The following ATF7IP variants were observed in gnomAD, a reference collection of about 807,000 sequenced individuals.
ATF7IP encodes activating transcription factor 7 interacting protein, also known as activating transcription factor 7-interacting protein 1.
In ATF7IP, 23 loss-of-function variants were observed where a neutral mutation model predicts 106.4. The ratio of observed to expected loss-of-function variants is 0.22; its 90% CI spans 0.16 to 0.31. The LOEUF is 0.31. Among genes scored for constraint, ATF7IP ranks in the 10% least tolerant of loss-of-function variants. The pLI, the probability that ATF7IP is intolerant of heterozygous loss-of-function variation, is 1.00. For synonymous variants in ATF7IP, 542 were observed against 539.0 expected, an observed-to-expected ratio of 1.01 and a Z score of -0.08; for missense variants, 1,334 against 1,524.3, an observed-to-expected ratio of 0.88 and a Z score of 2.08.
At chr12:14,382,515 G>A (rs1455183531) in intron 1 of ATF7IP, among the ~76,000 whole-genome samples, 1 of 152,120 alleles carries the variant, frequency 6.6e-6, no homozygotes, top group Admixed American at 6.5e-5. Flanking sequence ...CCTGAAAAGT[G>A]CCCTACAAAA....
chr12:14,368,629 T>C (rs1938402541), intron 1 of ATF7IP, among the ~76,000 whole-genome samples: 2 of 152,162 alleles, frequency 1.3e-5, no homozygotes, highest in South Asian at 4.1e-4. Flanking sequence ...TTGAAAAGCA[T>C]TTTTTATCAT....
chr12:14,366,348 G>T (rs1377501048), intron 1 of ATF7IP, among the ~76,000 whole-genome samples: 1 of 152,316 alleles, frequency 6.6e-6, no homozygotes, highest in African/African-American at 2.4e-5. Context: ...TCAGCACCTA[G>T]TGGTGTTCTC....
chr12:14,473,288 C>CTGTATGTATGTG (rs796814505), intron 10 of ATF7IP, among the ~76,000 whole-genome samples: 1 of 140,350 alleles, frequency 7.1e-6, no homozygotes, highest in Non-Finnish European at 1.5e-5. Flanking sequence ...CTCTCTCTCT[C>CTGTATGTATGTG]TCTGTGTGTG....
intron 6 of ATF7IP, among the ~76,000 whole-genome samples, chr12:14,452,735 T>C (rs530194697): frequency 1.6e-4 from 25 of 152,178 alleles, no homozygotes; most frequent in Non-Finnish European, 3.1e-4. Flanking sequence ...GAATTAAAAG[T>C]GGTTTATGCA....
chr12:14,457,144 T>C, intron 7 of ATF7IP, 63 bp from the exon 8 acceptor site: 2 of 1,361,882 alleles, frequency 1.5e-6, no homozygotes, highest in Non-Finnish European at 2.1e-6. Flanking sequence ...TTATTCTAGA[T>C]ATCAGTTGGT....
intron 2 of ATF7IP, among the ~76,000 whole-genome samples, chr12:14,426,671 C>G (rs1941862227): frequency 6.7e-6 from 1 of 150,194 alleles, no homozygotes; most frequent in African/African-American, 2.5e-5. Flanking sequence ...TACAAAAGTA[C>G]AAAAATTAGC....
At chr12:14,433,718 T>C (rs921323688) in intron 2 of ATF7IP, among the ~76,000 whole-genome samples, 21 of 152,040 alleles carry the variant, frequency 1.4e-4, no homozygotes, top group African/African-American at 4.8e-4. Flanking sequence ...GTTTTCCTCA[T>C]CTATATGATG....
chr12:14,476,703 G>A (rs1030619931), intron 11 of ATF7IP, among the ~76,000 whole-genome samples: 5 of 152,026 alleles, frequency 3.3e-5, no homozygotes, highest in Admixed American at 3.3e-4. Flanking sequence ...TTATGTTTCA[G>A]TGCAGATACT....
At chr12:14,411,191 T>C (rs1940895629) in intron 1 of ATF7IP, among the ~76,000 whole-genome samples, 1 of 152,212 alleles carries the variant, frequency 6.6e-6, no homozygotes, top group South Asian at 2.1e-4. Context: ...TTTCACATAT[T>C]GTGGAACTGC....
intron 5 of ATF7IP, among the ~76,000 whole-genome samples, chr12:14,446,569 C>T (rs1448778418): frequency 3.3e-5 from 5 of 152,172 alleles, no homozygotes; most frequent in African/African-American, 9.7e-5. Flanking sequence ...GCCTATACAT[C>T]CATCCATATG....
At chr12:14,385,940 C>T (rs1264718533) in intron 1 of ATF7IP, among the ~76,000 whole-genome samples, 2 of 152,070 alleles carry the variant, frequency 1.3e-5, no homozygotes, top group African/African-American at 2.4e-5. Flanking sequence ...TCTCATCATG[C>T]TGCCTCCTCC....
intron 10 of ATF7IP, among the ~76,000 whole-genome samples, chr12:14,468,493 TAAA>T (rs5796596): frequency 2.8e-4 from 40 of 143,220 alleles, no homozygotes; most frequent in Admixed American, 4.1e-4. Context: ...AGAAGAAACT[TAAA>T]AAAAAAAAAA....
intron 1 of ATF7IP, among the ~76,000 whole-genome samples, chr12:14,373,716 A>G (rs1358746972): frequency 1.3e-5 from 2 of 152,064 alleles, no homozygotes; most frequent in Non-Finnish European, 2.9e-5. Flanking sequence ...ACTGAAAACT[A>G]TTTCTCTTTT....
chr12:14,406,094 T>C (rs534662649), intron 1 of ATF7IP, among the ~76,000 whole-genome samples: 2 of 152,284 alleles, frequency 1.3e-5, no homozygotes, highest in South Asian at 4.1e-4. Context: ...TTCTCACTTG[T>C]ATTGCTTTGT....
intron 13 of ATF7IP, among the ~76,000 whole-genome samples, chr12:14,490,093 C>A (rs1319447918): frequency 3.3e-5 from 5 of 152,220 alleles, no homozygotes; most frequent in African/African-American, 9.6e-5. Context: ...ATAGTCACGT[C>A]AGCCTTGGTA....
chr12:14,477,930 T>A (rs1197516698), intron 11 of ATF7IP, among the ~76,000 whole-genome samples: 1 of 152,192 alleles, frequency 6.6e-6, no homozygotes, highest in African/African-American at 2.4e-5. Flanking sequence ...TTGTAGTAAT[T>A]GAAATTCAAG....
intron 2 of ATF7IP, among the ~76,000 whole-genome samples, chr12:14,433,468 G>A (rs1186323381): frequency 1.3e-5 from 2 of 152,058 alleles, no homozygotes; most frequent in Non-Finnish European, 2.9e-5. Flanking sequence ...TTGCGCTACT[G>A]TACACTAGCC....
At chr12:14,447,158 C>T in intron 6 of ATF7IP, 105 bp downstream of exon 6, 1 of 836,120 alleles carries the variant, frequency 1.2e-6, no homozygotes, top group Non-Finnish European at 1.8e-6. Flanking sequence ...AATTTGCTTT[C>T]ATACTGTGTA....
Position 14,496,317 on chromosome 12 carries a change from C to T in ATF7IP, c.3367C>T (p.His1123Tyr). 1 of 1,613,604 alleles carries T rather than the reference C, an allele frequency of 6.2e-7. No individual in the cohort carries two copies. The highest frequency in any genetic ancestry group is 8.5e-7 in the Non-Finnish European group (1 of 1,179,638). Reference protein sequence around the residue: ...LGSTGPQLTVHHRPPQVHTEP... With the variant: ...LGSTGPQLTVYHRPPQVHTEP... ...ATCAACAGGACCTCAGCTCACAGTG[C>T]ATCACCGACCACCACAAGTGCATAC... The change falls in exon 14 of 15, where the codon CAT becomes TAT. Residue 1123 changes from histidine (H) to tyrosine (Y), a missense_variant. Physicochemically the swap from His to Tyr is moderately conservative, Grantham distance 83. Around this residue, in one of 10 missense-constraint regions of ATF7IP, gnomAD observed 370 missense variants for 401.2 expected, o/e 0.92. Transcript: ENST00000261168.
Sources: allele counts gnomAD v4.1 joint callset (sites outside exome capture counted in the v4.1 genomes callset), GRCh38; gene constraint gnomAD v4.1.1; regional missense constraint gnomAD v4.1.1; transcripts MANE v1.5; gene names NCBI Gene and HGNC (gene_info 2026-07-23, HGNC 2026-07-21).